Variants in FNDC3B observed in about 807,000 individuals in gnomAD.
FNDC3B encodes fibronectin type III domain-containing protein 3B.
FNDC3B carries 12 observed loss-of-function variants against 151.5 expected under a neutral mutation model. The ratio of observed to expected loss-of-function variants is 0.08; its 90% CI spans 0.05 to 0.13. The LOEUF (loss-of-function observed/expected upper bound fraction) is 0.13, where lower values mean the gene tolerates loss of function less well. FNDC3B is among the 10% of genes least tolerant of loss of function. The pLI is 1.00. For synonymous variants in FNDC3B, 528 were observed against 549.0 expected, an observed-to-expected ratio of 0.96 and a Z score of 0.54; for missense variants, 1,214 against 1,505.3, an observed-to-expected ratio of 0.81 and a Z score of 3.20.
chr3:172,120,501 A>G (rs534361969), intron 2 of FNDC3B, among the ~76,000 whole-genome samples: 2 of 152,186 alleles, frequency 1.3e-5, no homozygotes, highest in South Asian at 4.2e-4. Flanking sequence ...GATGAAGGCA[A>G]TGAACAGATT....
intron 23 of FNDC3B, among the ~76,000 whole-genome samples, chr3:172,364,767 C>A (rs375459580): frequency 6.6e-6 from 1 of 152,196 alleles, no homozygotes; most frequent in Admixed American, 6.5e-5. Flanking sequence ...TTCTTCCCCC[C>A]TCAAAAAGCC....
chr3:172,251,249 A>T lies in FNDC3B; in HGVS notation c.509-11A>T, dbSNP rs759144970. On this transcript the variant is annotated splice_polypyrimidine_tract_variant and intron_variant, in intron 5 of 25. Transcript: ENST00000415807. Reference sequence around the variant, plus strand: ...AACTGAGTTTGGGTTTATCATAATCATCCATTTTAGAAATTATACCATTTT... The same window carrying T: ...AACTGAGTTTGGGTTTATCATAATCTTCCATTTTAGAAATTATACCATTTT... 1.9e-6 allele frequency: 3 copies of T among 1,592,338 alleles called. No individual in the cohort carries two copies. Among genetic ancestry groups the T allele is most frequent in the Non-Finnish European group, 2.6e-6 (3 of 1,163,176 alleles).
chr3:172,373,882 A>G lies in FNDC3B; in HGVS notation c.3009-4388A>G, dbSNP rs1359248446. On this transcript the variant is annotated intron_variant, in intron 23 of 25. Coordinates refer to ENST00000415807, the MANE Select transcript of FNDC3B (RefSeq NM_022763.4). Reference sequence around the variant, plus strand: ...AATTATATTATTCTTGTGTTGGCATATGTGCTTTTTATTATGTTTTGGTAG... The same window carrying G: ...AATTATATTATTCTTGTGTTGGCATGTGTGCTTTTTATTATGTTTTGGTAG... 4.6e-5 allele frequency among the ~76,000 whole-genome samples: 7 copies of G among 152,222 alleles called. No homozygotes were observed. The East Asian group carries it at 1.2e-3, about 25-fold the overall frequency.
chr3:172,356,913 C>T (rs184665765), intron 22 of FNDC3B, among the ~76,000 whole-genome samples: 25 of 152,290 alleles, frequency 1.6e-4, no homozygotes, highest in African/African-American at 6.0e-4. Flanking sequence ...ACACTCTTGA[C>T]ATCCCGAGCT....
intron 22 of FNDC3B, among the ~76,000 whole-genome samples, chr3:172,361,332 TC>T (rs1734350561): frequency 6.6e-6 from 1 of 152,222 alleles, no homozygotes; most frequent in Admixed American, 6.5e-5. Context: ...AATTATAAGT[TC>T]TAACTTTAAG....
intron 3 of FNDC3B, among the ~76,000 whole-genome samples, chr3:172,194,701 AAG>A (rs1261178820): frequency 1.3e-5 from 2 of 152,224 alleles, no homozygotes; most frequent in African/African-American, 2.4e-5. Context: ...TCCAGCACTG[AAG>A]AGTCATATAA....
Position 172,223,245 on chromosome 3 carries a change from G to C in FNDC3B, c.188-3626G>C, listed in dbSNP as rs1287911114. Among the ~76,000 whole-genome samples, 9 of 152,172 alleles carry C rather than the reference G, an allele frequency of 5.9e-5. No individual in the cohort carries two copies. The East Asian group carries it at 1.7e-3, about 29-fold the overall frequency. On this transcript the variant is annotated intron_variant, in intron 3 of 25. Coordinates refer to ENST00000415807, the MANE Select transcript of FNDC3B (RefSeq NM_022763.4). ...CAATAACTTCTTTTCGTACCACTATGGTGAATGAGATTTTATTTTGCTAGC... is the reference window on the plus strand; with the variant it reads ...CAATAACTTCTTTTCGTACCACTATCGTGAATGAGATTTTATTTTGCTAGC...
intron 3 of FNDC3B, among the ~76,000 whole-genome samples, chr3:172,146,727 T>A (rs1721929693): frequency 1.3e-5 from 2 of 152,218 alleles, no homozygotes. Context: ...ATCTTTTATC[T>A]TGTATTCTTA....
At chr3:172,103,563 A>G (rs1223157613) in intron 1 of FNDC3B, among the ~76,000 whole-genome samples, 1 of 152,162 alleles carries the variant, frequency 6.6e-6, no homozygotes, top group Non-Finnish European at 1.5e-5. Flanking sequence ...CAGGGCCTAT[A>G]CAATAGGGAC....
chr3:172,330,465 G>C, intron 12 of FNDC3B, 76 bp from the exon 13 acceptor site: 1 of 1,347,202 alleles, frequency 7.4e-7, no homozygotes, highest in South Asian at 1.4e-5. Context: ...TAGTGTGCAG[G>C]CTGAGCCTTC....
rs146058540 is a variant in FNDC3B, at chr3:172,112,539, C to T, written c.60C>T (p.Asn20=). 3.6e-5 allele frequency: 58 copies of T among 1,614,092 alleles called. No homozygotes were observed. In the African/African-American group the frequency reaches 6.7e-4, roughly 19 times the overall value. ...CTCTGGAACTGCCACCATTGCTGAA[C>T]GGAGAGGTAGCCATGATGCCCCACT... ...QIPLELPPLL[N]GEVAMMPHLV... is the part of the protein sequence containing the mutation. Residue 20 remains asparagine (N), a synonymous_variant, in exon 2 of 26, where the codon AAC becomes AAT. Transcript: ENST00000415807.
At position 172,344,195 on chromosome 3, in the gene FNDC3B, C is replaced by G. The variant is rs150745433; in HGVS notation, c.2187C>G (p.Thr729=). ...EVYHGPELEC[T]VGNLLPGTVY... ...ACCATGGCCCAGAGCTGGAGTGCAC[C>G]GTCGGCAACCTGCTTCCTGGAACCG... Residue 729 remains threonine, a synonymous_variant, in exon 19 of 26, where the codon ACC becomes ACG. Transcript: ENST00000415807. 3.1e-6 allele frequency: 5 copies of G among 1,613,986 alleles called. No individual in the cohort carries two copies. Among genetic ancestry groups the G allele is most frequent in the Non-Finnish European group, 3.4e-6 (4 of 1,179,996 alleles).
rs71179981 is a variant in FNDC3B at position 172,239,856 on chromosome 3, CTTTTTTTTTTTTTTTT to C, written c.265-7662_265-7647del. ...TGTTTTTAGGAGATCCATTTTAGTT[CTTTTTTTTTTTTTTTT>C]TTTTTTTTTTTTTTGGGATGGAGTC... On this transcript the variant is annotated intron_variant, in intron 4 of 25. Transcript: ENST00000415807. 1.9e-3 allele frequency among the ~76,000 whole-genome samples: 97 copies of C among 49,926 alleles called. 2 individuals are homozygous for C. The highest frequency in any genetic ancestry group is 3.2e-3 in the Non-Finnish European group (88 of 27,566). 32.8% of individuals were successfully genotyped at this position (49,926 alleles called of 152,430 possible). A position where few individuals can be genotyped will look rare whatever the true frequency, so the allele number is the denominator to read the frequency against.
At chr3:172,139,021 T>C (rs1721496220) in intron 3 of FNDC3B, among the ~76,000 whole-genome samples, 1 of 152,224 alleles carries the variant, frequency 6.6e-6, no homozygotes, top group South Asian at 2.1e-4. Flanking sequence ...AGTGGCTCTG[T>C]GAATGACACC....
rs555428718 is a variant in FNDC3B, at chr3:172,201,979, G to A, written c.188-24892G>A. Among the ~76,000 whole-genome samples the A allele has an allele frequency of 8.0e-4, 122 of 152,240 alleles. 2 individuals are homozygous for A. The highest frequency in any genetic ancestry group is 2.8e-3 in the African/African-American group (116 of 41,548). On this transcript the variant is annotated intron_variant, in intron 3 of 25. Coordinates refer to ENST00000415807, the MANE Select transcript of FNDC3B (RefSeq NM_022763.4). ...GCATTTTTGCATGATGTAATAACTT[G>A]GATACATGTTGTACTTAGAATATTA...
At chr3:172,157,900 C>T (rs1350740106) in intron 3 of FNDC3B, among the ~76,000 whole-genome samples, 3 of 152,118 alleles carry the variant, frequency 2.0e-5, no homozygotes, top group African/African-American at 4.8e-5. Context: ...TAACCTCCAA[C>T]GTGATGGTAT....
chr3:172,090,268 T>C (rs940040783), intron 1 of FNDC3B, among the ~76,000 whole-genome samples: 2 of 152,130 alleles, frequency 1.3e-5, no homozygotes, highest in Non-Finnish European at 2.9e-5. Flanking sequence ...AAATATGTGA[T>C]GCACATCTCC....
chr3:172,241,150 T>A (rs1351791831), intron 4 of FNDC3B, among the ~76,000 whole-genome samples: 2 of 152,126 alleles, frequency 1.3e-5, no homozygotes, highest in East Asian at 3.9e-4. Context: ...AAGAGAGTTT[T>A]TGTTTGTTTG....
intron 8 of FNDC3B, among the ~76,000 whole-genome samples, chr3:172,297,826 G>A (rs181620067): frequency 6.6e-6 from 1 of 152,164 alleles, no homozygotes; most frequent in East Asian, 1.9e-4. Flanking sequence ...AATACTTCAG[G>A]ATATTTCCTA....
Sources: gnomAD v4.1 joint callset for allele counts (sites outside exome capture counted in the v4.1 genomes callset) on GRCh38, gnomAD v4.1.1 for gene constraint, MANE v1.5 for transcripts, NCBI Gene and HGNC (gene_info 2026-07-23, HGNC 2026-07-21) for gene names.